The following ATP8A2 variants were observed in gnomAD, a reference collection of about 807,000 sequenced individuals.
ATP8A2 encodes the protein ATPase phospholipid transporting 8A2, also known as phospholipid-transporting ATPase IB.
Under a neutral mutation model 165.6 loss-of-function variants are expected in ATP8A2, and 100 were observed. The observed-to-expected ratio is 0.60, with a 90% CI of 0.51 to 0.71. The LOEUF is 0.71. Among genes scored for constraint, ATP8A2 ranks in the 30% least tolerant of loss-of-function variants. The probability of loss-of-function intolerance (pLI) is 0.00; values close to 1 mark genes in which losing one functional copy is unlikely to be tolerated. For synonymous variants in ATP8A2, 543 were observed against 548.8 expected, an observed-to-expected ratio of 0.99 and a Z score of 0.15; for missense variants, 1,227 against 1,479.5, an observed-to-expected ratio of 0.83 and a Z score of 2.80.
rs1953435216 is a variant in ATP8A2 at position 25,893,240 on chromosome 13, C to G, written c.3183+30832C>G. ...AACAGTCCCCGGAGTGTGATGTTCCCCTTCCTGTGTCCATGTGTTCTCATT... is the reference window on the plus strand; with the variant it reads ...AACAGTCCCCGGAGTGTGATGTTCCGCTTCCTGTGTCCATGTGTTCTCATT... On this transcript the variant is annotated intron_variant, in intron 33 of 36. Transcript: ENST00000381655. 4.3e-5 allele frequency among the ~76,000 whole-genome samples: 6 copies of G among 139,136 alleles called. No homozygotes were observed. In the Admixed American group the frequency reaches 4.5e-4, roughly 10 times the overall value. 91.3% of individuals were successfully genotyped at this position (139,136 alleles called of 152,430 possible).
chr13:25,713,920 G>C (rs527640810), intron 25 of ATP8A2, among the ~76,000 whole-genome samples: 1 of 152,076 alleles, frequency 6.6e-6, no homozygotes, highest in Non-Finnish European at 1.5e-5. Flanking sequence ...TACGTAGACT[G>C]TACAGTTATG....
chr13:25,408,082 T>A (rs564011781), intron 1 of ATP8A2, among the ~76,000 whole-genome samples: 388 of 137,518 alleles, frequency 2.8e-3, no homozygotes, highest in Middle Eastern at 7.2e-3. Context: ...AGTAAAAAAA[T>A]ATATATATAT....
intron 25 of ATP8A2, among the ~76,000 whole-genome samples, chr13:25,767,120 A>G (rs1566117953): frequency 1.3e-5 from 2 of 152,266 alleles, no homozygotes; most frequent in Admixed American, 1.3e-4. Context: ...GTTTCAAAAC[A>G]AAATGGGAAA....
chr13:25,601,139 C>T (rs1001500754), intron 24 of ATP8A2, among the ~76,000 whole-genome samples: 1 of 152,162 alleles, frequency 6.6e-6, no homozygotes, highest in South Asian at 2.1e-4. Flanking sequence ...GTCAAGACAA[C>T]ATCTGGGGCG....
At chr13:25,391,471 A>C (rs553886108) in intron 1 of ATP8A2, among the ~76,000 whole-genome samples, 1 of 152,356 alleles carries the variant, frequency 6.6e-6, no homozygotes, top group East Asian at 1.9e-4. Flanking sequence ...AAACAAGTTA[A>C]AAATCATAAT....
At chr13:25,948,687 G>A (rs983820260) in intron 33 of ATP8A2, among the ~76,000 whole-genome samples, 21 of 152,108 alleles carry the variant, frequency 1.4e-4, no homozygotes, top group African/African-American at 5.1e-4. Context: ...GCCCTTCTAA[G>A]GGACAGCAGA....
chr13:25,957,150 A>G (rs1198306918), intron 33 of ATP8A2, among the ~76,000 whole-genome samples: 1 of 152,214 alleles, frequency 6.6e-6, no homozygotes, highest in Non-Finnish European at 1.5e-5. Flanking sequence ...TAAACATAAG[A>G]CCTAAAATCA....
chr13:25,530,532 A>C, intron 3 of ATP8A2, 30 bp from the exon 4 acceptor site: 1 of 1,344,868 alleles, frequency 7.4e-7, no homozygotes, highest in Non-Finnish European at 1.0e-6. Context: ...TAATGTGCCA[A>C]CTTCCTACTT....
chr13:25,464,446 T>TTA lies in ATP8A2; in HGVS notation c.77-4531_77-4530insTA, dbSNP rs573850754. On this transcript the variant is annotated intron_variant, in intron 1 of 36. Coordinates refer to ENST00000381655, the MANE Select transcript of ATP8A2 (RefSeq NM_016529.6). ...AAAAAACTGCTGCCTCATCTCTATC[T>TTA]AAAAAAAAAAAAAAAAAAAAATTCC... Among the ~76,000 whole-genome samples, 964 of 127,450 alleles carry TTA rather than the reference T, an allele frequency of 7.6e-3. 8 individuals are homozygous for TTA. The highest frequency in any genetic ancestry group is 0.016 in the African/African-American group (548 of 33,800). The allele number at this position is 127,450 out of a possible 152,430, so 83.6% of individuals were successfully genotyped here.
At chr13:25,647,689 T>TC (rs1477415222) in intron 24 of ATP8A2, among the ~76,000 whole-genome samples, 1 of 151,506 alleles carries the variant, frequency 6.6e-6, no homozygotes, top group Admixed American at 6.6e-5. Context: ...TTTTTTTCTT[T>TC]TTTTTTTCTT....
At chr13:25,405,156 C>A (rs1323273941) in intron 1 of ATP8A2, among the ~76,000 whole-genome samples, 2 of 152,040 alleles carry the variant, frequency 1.3e-5, no homozygotes, top group East Asian at 3.9e-4. Context: ...TTGATGAGAG[C>A]AGCTCCCTGG....
At chr13:25,389,983 C>CTTTTGTTTTGTTTTG (rs59233777) in intron 1 of ATP8A2, among the ~76,000 whole-genome samples, 1,780 of 151,134 alleles carry the variant, frequency 0.012, 29 homozygotes, top group African/African-American at 0.034. Flanking sequence ...AATTTTTTGC[C>CTTTTGTTTTGTTTTG]TTTTGTTTTG....
intron 33 of ATP8A2, among the ~76,000 whole-genome samples, chr13:25,864,153 T>C (rs146757522): frequency 4.6e-4 from 70 of 152,304 alleles, no homozygotes; most frequent in African/African-American, 1.5e-3. Flanking sequence ...CTGTGATGAA[T>C]ATTTCATTTG....
chr13:25,450,627 G>C (rs1000641696), intron 1 of ATP8A2, among the ~76,000 whole-genome samples: 4 of 152,076 alleles, frequency 2.6e-5, no homozygotes, highest in Non-Finnish European at 5.9e-5. Flanking sequence ...CGCCTCCCGG[G>C]TTCACGCCAT....
intron 1 of ATP8A2, among the ~76,000 whole-genome samples, chr13:25,429,739 G>T (rs2034552814): frequency 6.6e-6 from 1 of 152,192 alleles, no homozygotes. Flanking sequence ...GCTGGGAAAG[G>T]CCTTGTCTGA....
At chr13:25,554,648 T>G (rs2038926459) in intron 12 of ATP8A2, among the ~76,000 whole-genome samples, 1 of 152,106 alleles carries the variant, frequency 6.6e-6, no homozygotes, top group South Asian at 2.1e-4. Context: ...AACTTCCATC[T>G]CTTGGGTTCA....
chr13:25,693,785 G>T (rs921377798), intron 24 of ATP8A2, among the ~76,000 whole-genome samples: 1 of 152,114 alleles, frequency 6.6e-6, no homozygotes, highest in Non-Finnish European at 1.5e-5. Flanking sequence ...TGCCTCCCAG[G>T]TTCAAGTGAT....
chr13:25,943,672 C>T (rs1032704020), intron 33 of ATP8A2, among the ~76,000 whole-genome samples: 2 of 152,226 alleles, frequency 1.3e-5, no homozygotes, highest in African/African-American at 4.8e-5. Context: ...CTGTCGATCT[C>T]TGCCTGTATG....
chr13:25,448,707 T>G lies in ATP8A2; in HGVS notation c.77-20270T>G, dbSNP rs186282390. 9.1e-4 allele frequency among the ~76,000 whole-genome samples: 138 copies of G among 152,352 alleles called. 1 individual carries two copies. Among genetic ancestry groups the G allele is most frequent in the African/African-American group, 3.2e-3 (134 of 41,578 alleles). On this transcript the variant is annotated intron_variant, in intron 1 of 36. Coordinates refer to ENST00000381655, the MANE Select transcript of ATP8A2 (RefSeq NM_016529.6). ...CTCTGTTACCCAGGCTGGAGTGCAG[T>G]GGCATGATCTTGGCTCACTGCCACC...
Sources: allele counts gnomAD v4.1 joint callset (sites outside exome capture counted in the v4.1 genomes callset), GRCh38; gene constraint gnomAD v4.1.1; transcripts MANE v1.5; gene names NCBI Gene and HGNC (gene_info 2026-07-23, HGNC 2026-07-21).